The following NR2F1-AS1 variants were observed in gnomAD, a reference collection of about 807,000 sequenced individuals.
NR2F1-AS1 encodes NR2F1 antisense RNA 1.
intron 4 of NR2F1-AS1, among the ~76,000 whole-genome samples, chr5:93,443,565 T>A (rs1282203508): frequency 6.6e-6 from 1 of 152,180 alleles, no homozygotes; most frequent in East Asian, 1.9e-4. Flanking sequence ...AGACCAAATC[T>A]ACATCTGACT....
intron 4 of NR2F1-AS1, among the ~76,000 whole-genome samples, chr5:93,538,237 T>C (rs975239289): frequency 2.0e-5 from 3 of 152,048 alleles, no homozygotes; most frequent in Admixed American, 1.3e-4. Context: ...CTTTAGAAGG[T>C]TGAGGCAGGC....
intron 4 of NR2F1-AS1, chr5:93,553,652 C>G (rs1285303310): frequency 6.6e-6 from 1 of 152,154 alleles, no homozygotes; most frequent in Non-Finnish European, 1.5e-5. Context: ...TTCAACATTC[C>G]AATAATGTCT....
intron 4 of NR2F1-AS1, among the ~76,000 whole-genome samples, chr5:93,453,506 CATAATA>C (rs1026845482): frequency 6.6e-6 from 1 of 152,038 alleles, no homozygotes; most frequent in Admixed American, 6.5e-5. Flanking sequence ...AACATCATAA[CATAATA>C]ATAATATCAT....
chr5:93,446,243 A>G (rs914352378), intron 4 of NR2F1-AS1, among the ~76,000 whole-genome samples: 37 of 152,310 alleles, frequency 2.4e-4, no homozygotes, highest in African/African-American at 6.7e-4. Flanking sequence ...TTCAATTAGG[A>G]AAAGAGGAAG....
chr5:93,434,846 T>C (rs775206981), intron 4 of NR2F1-AS1, among the ~76,000 whole-genome samples: 1 of 152,160 alleles, frequency 6.6e-6, no homozygotes, highest in African/African-American at 2.4e-5. Context: ...AGATTTAGGT[T>C]ACATATTTTG....
rs575006964 is a variant in NR2F1-AS1 at position 93,414,015 on chromosome 5, C to A, written n.639-18473G>T. Among the ~76,000 whole-genome samples the A allele has an allele frequency of 7.8e-4, 119 of 152,304 alleles. 2 individuals are homozygous for A. Among genetic ancestry groups the A allele is most frequent in the Admixed American group, 2.4e-3 (36 of 15,298 alleles). Reference sequence around the variant, plus strand: ...GCCAGATTAAAGCCAGGGACTTCTACTATAAAATGTTTCACTGGCTCTTGC... The same window carrying A: ...GCCAGATTAAAGCCAGGGACTTCTAATATAAAATGTTTCACTGGCTCTTGC... On this transcript the variant is annotated intron_variant and non_coding_transcript_variant, in intron 4 of 5. Coordinates refer to ENST00000660523, the Ensembl canonical transcript of NR2F1-AS1.
intron 4 of NR2F1-AS1, among the ~76,000 whole-genome samples, chr5:93,415,505 A>T (rs1748950208): frequency 6.6e-6 from 1 of 152,246 alleles, no homozygotes; most frequent in Non-Finnish European, 1.5e-5. Flanking sequence ...CATTAGAATG[A>T]TCACTTTCTG....
intron 1 of NR2F1-AS1, among the ~76,000 whole-genome samples, chr5:93,569,673 T>G (rs903002931): frequency 1.3e-5 from 2 of 152,168 alleles, no homozygotes; most frequent in African/African-American, 4.8e-5. Flanking sequence ...TATAAAAGTT[T>G]CCACAGTGTA....
chr5:93,424,274 A>G (rs1056006959), intron 4 of NR2F1-AS1, among the ~76,000 whole-genome samples: 2 of 151,648 alleles, frequency 1.3e-5, no homozygotes, highest in Non-Finnish European at 2.9e-5. Flanking sequence ...CAAATGACCT[A>G]CCATCACAAA....
chr5:93,436,976 CATT>C (rs1486510718), intron 4 of NR2F1-AS1, among the ~76,000 whole-genome samples: 1 of 148,636 alleles, frequency 6.7e-6, no homozygotes. Context: ...AAGTGAAACT[CATT>C]ATCTCCAAAA....
Position 93,546,186 on chromosome 5 carries a change from C to T in NR2F1-AS1, n.638+7575G>A, listed in dbSNP as rs76948840. Among the ~76,000 whole-genome samples, 1,208 of 151,968 alleles carry T rather than the reference C, an allele frequency of 7.9e-3. 9 individuals carry two copies. Among genetic ancestry groups the T allele is most frequent in the Non-Finnish European group, 0.011 (761 of 67,974 alleles). ...TATCTAGCATATAAGAAGTCTTAAC[C>T]GAAAGAATTATTATTACTACTGTAC... On this transcript the variant is annotated intron_variant and non_coding_transcript_variant, in intron 4 of 5. Coordinates refer to ENST00000660523, the Ensembl canonical transcript of NR2F1-AS1.
intron 4 of NR2F1-AS1, among the ~76,000 whole-genome samples, chr5:93,437,249 G>C (rs1204314253): frequency 1.3e-5 from 2 of 151,974 alleles, no homozygotes; most frequent in South Asian, 2.1e-4. Flanking sequence ...AGTCCAAATT[G>C]AGATAAGCCG....
chr5:93,565,623 C>A (rs1752600550), intron 1 of NR2F1-AS1, among the ~76,000 whole-genome samples: 1 of 151,786 alleles, frequency 6.6e-6, no homozygotes, highest in Non-Finnish European at 1.5e-5. Context: ...TCTTCATATA[C>A]CATTTTGTAT....
chr5:93,478,273 C>T (rs902583050), intron 4 of NR2F1-AS1, among the ~76,000 whole-genome samples: 1 of 152,192 alleles, frequency 6.6e-6, no homozygotes, highest in Admixed American at 6.5e-5. Flanking sequence ...TCACATGTTA[C>T]AATGACAATG....
At chr5:93,451,078 G>A (rs2149857567) in intron 4 of NR2F1-AS1, among the ~76,000 whole-genome samples, 1 of 152,062 alleles carries the variant, frequency 6.6e-6, no homozygotes, top group African/African-American at 2.4e-5. Flanking sequence ...CTAATGAGGT[G>A]ATTTAATTTA....
At chr5:93,424,173 T>C (rs1749147561) in intron 4 of NR2F1-AS1, among the ~76,000 whole-genome samples, 2 of 152,172 alleles carry the variant, frequency 1.3e-5, no homozygotes, top group South Asian at 4.2e-4. Context: ...TCATCTACTC[T>C]CATGACTTCA....
At chr5:93,429,745 A>G (rs1347302452) in intron 4 of NR2F1-AS1, among the ~76,000 whole-genome samples, 1 of 152,196 alleles carries the variant, frequency 6.6e-6, no homozygotes, top group Non-Finnish European at 1.5e-5. Flanking sequence ...TATGGTAAAG[A>G]ATTGATGGAA....
chr5:93,523,980 G>C (rs1751558555), intron 4 of NR2F1-AS1, among the ~76,000 whole-genome samples: 1 of 151,978 alleles, frequency 6.6e-6, no homozygotes, highest in African/African-American at 2.4e-5. Context: ...CACCAGGAAG[G>C]GAACAAAACT....
chr5:93,581,685 TC>T (rs1753043030), upstream of NR2F1-AS1, among the ~76,000 whole-genome samples: 1 of 47,678 alleles, frequency 2.1e-5, no homozygotes, highest in African/African-American at 1.3e-4. Flanking sequence ...TCTCTCTCTC[TC>T]TCTCTCTCTC....
Sources: gnomAD v4.1 joint callset for allele counts (sites outside exome capture counted in the v4.1 genomes callset) on GRCh38, gnomAD v4.1.1 for gene constraint, MANE v1.5 for transcripts, NCBI Gene and HGNC (gene_info 2026-07-23, HGNC 2026-07-21) for gene names.